ITGA6: variants seen among roughly 807,000 people sequenced by gnomAD.
The protein encoded by ITGA6 is integrin alpha-6.
In ITGA6, 63 loss-of-function variants were observed where a neutral mutation model predicts 133.6. That is an observed-to-expected ratio of 0.47 (90% CI 0.38 to 0.58). The LOEUF (loss-of-function observed/expected upper bound fraction) is 0.58, where lower values mean the gene tolerates loss of function less well. Ranked by LOEUF, ITGA6 falls within the 20% of genes least tolerant of loss-of-function variation. The pLI is 0.00. For synonymous variants in ITGA6, 434 were observed against 482.0 expected (o/e 0.90, Z 1.30); for missense variants, 1,068 against 1,309.4 (o/e 0.82, Z 2.85).
Position 172,474,950 on chromosome 2 carries a change from A to G in ITGA6, c.1008A>G (p.Gly336=). The part of the protein sequence containing the change: ...NKDGWQDIVI[G]APQYFDRDGE... ...TTAGGTGGCAAGATATAGTTATTGG[A>G]GCCCCACAGTATTTTGATAGAGATG... The change falls in exon 7 of 26, where the codon GGA becomes GGG. Residue 336 remains glycine (G), a synonymous_variant. Coordinates refer to ENST00000684293, the MANE Select transcript of ITGA6 (RefSeq NM_000210.4). 2 of 1,574,446 alleles carry G rather than the reference A, an allele frequency of 1.3e-6. No homozygotes were observed. The highest frequency in any genetic ancestry group is 1.3e-5 in the African/African-American group (1 of 74,120).
rs529633700 is a variant in ITGA6, at chr2:172,427,602, G to T, written c.-187G>T. On this transcript the variant is annotated 5_prime_UTR_variant, in exon 1 of 26. Transcript: ENST00000684293. ...CCAGAGAACAACGGGCTCATTCAGC[G>T]GTCGCGAGCTGCCCGCGAGGGGGAG... is the stretch of plus-strand genomic sequence containing the variant. The T allele has an allele frequency of 5.5e-6, 7 of 1,270,146 alleles. No individual in the cohort carries two copies. The East Asian group carries it at 2.0e-4, about 37-fold the overall frequency. 78.7% of individuals were successfully genotyped at this position (1,270,146 alleles called of 1,614,324 possible).
intron 1 of ITGA6, among the ~76,000 whole-genome samples, chr2:172,445,477 G>A (rs1198784100): frequency 4.7e-5 from 7 of 150,038 alleles, no homozygotes; most frequent in Non-Finnish European, 1.5e-5. Flanking sequence ...GTGAAACCCC[G>A]TCTCTACAAA....
At position 172,489,547 on chromosome 2, in the gene ITGA6, A is replaced by G; in HGVS notation, c.2568A>G (p.Pro856=). The change falls in exon 20 of 26, where the codon CCA becomes CCG. Residue 856 remains proline, a synonymous_variant. Transcript: ENST00000684293. ...LGTATLNIQW[P]KEISNGKWLL... ...CAGCAACCTTGAACATTCAGTGGCC[A>G]AAAGAAATTAGCAATGGGAAATGGT... The G allele has an allele frequency of 6.2e-7, 1 of 1,614,094 alleles. No homozygotes were observed. Among genetic ancestry groups the G allele is most frequent in the South Asian group, 1.1e-5 (1 of 91,086 alleles).
chr2:172,458,034 G>A (rs1675684378), intron 1 of ITGA6, among the ~76,000 whole-genome samples: 1 of 151,994 alleles, frequency 6.6e-6, no homozygotes, highest in Non-Finnish European at 1.5e-5. Context: ...AGTGGGTCTG[G>A]AAGTGAAGGA....
At position 172,487,046 on chromosome 2, in the gene ITGA6, T is replaced by C; in HGVS notation, c.1878T>C (p.Cys626=). Residue 626 remains cysteine, a synonymous_variant, in exon 14 of 26, where the codon TGT becomes TGC. Transcript: ENST00000684293. ...HIDVHFLKEG[C]GDDNVCNSNL... ...AGGTTCACTTCTTAAAAGAGGGATG[T>C]GGAGACGACAATGTATGTAACAGCA... The C allele has an allele frequency of 6.2e-7, 1 of 1,609,848 alleles. No homozygotes were observed. Among genetic ancestry groups the C allele is most frequent in the Non-Finnish European group, 8.5e-7 (1 of 1,176,120 alleles).
rs375720798 is a variant in ITGA6 at position 172,487,239 on chromosome 2, GTTC to G, written c.1971-22_1971-20del. The G allele has an allele frequency of 3.7e-4, 595 of 1,601,774 alleles. 4 individuals carry two copies. In the African/African-American group the frequency reaches 6.8e-3, roughly 18 times the overall value. On this transcript the variant is annotated intron_variant, in intron 14 of 25. Coordinates refer to ENST00000684293, the MANE Select transcript of ITGA6 (RefSeq NM_000210.4). ...AACGTATTGAGGACTTTGCCTTTTT[GTTC>G]TTGTTTTCTTATTTTTAATAGTCAA...
At chr2:172,442,788 CT>C (rs1684597157) in intron 1 of ITGA6, among the ~76,000 whole-genome samples, 3 of 152,224 alleles carry the variant, frequency 2.0e-5, no homozygotes, top group Non-Finnish European at 4.4e-5. Flanking sequence ...ATCTTTGACT[CT>C]TTGCCAGCAA....
rs554882519 is a variant in ITGA6, at chr2:172,486,006, G to A, written c.1854+742G>A. 8.9e-4 allele frequency among the ~76,000 whole-genome samples: 136 copies of A among 152,074 alleles called. 1 individual carries two copies. The highest frequency in any genetic ancestry group is 1.4e-3 in the Non-Finnish European group (96 of 67,968). On this transcript the variant is annotated intron_variant, in intron 13 of 25. Coordinates refer to ENST00000684293, the MANE Select transcript of ITGA6 (RefSeq NM_000210.4). ...AGCCTGGCCAACATGGTGAAACCCCGTCTCTAGTGAAAATACAAAAGTTAG... is the reference window on the plus strand; with the variant it reads ...AGCCTGGCCAACATGGTGAAACCCCATCTCTAGTGAAAATACAAAAGTTAG...
chr2:172,487,421 T>C lies in ITGA6; in HGVS notation c.2128T>C (p.Tyr710His), dbSNP rs947201360. ...LIATFPDTLT[Y>H]SAYRELRAFP... ...TGCAACGTTTCCAGACACTTTAACC[T>C]ATTCTGCATATAGAGAACTGAGGGC... The change falls in exon 15 of 26, where the codon TAT becomes CAT. Residue 710 changes from tyrosine to histidine, a missense_variant. Tyr to His is a moderately conservative substitution (Grantham distance 83). This residue lies in a region of ITGA6 where 609 missense variants were observed against 707.2 expected (regional missense o/e 0.86). Transcript: ENST00000684293. 3 of 1,614,156 alleles carry C rather than the reference T, an allele frequency of 1.9e-6. No individual in the cohort carries two copies. Among genetic ancestry groups the C allele is most frequent in the Non-Finnish European group, 2.5e-6 (3 of 1,179,990 alleles).
At position 172,475,619 on chromosome 2, in the gene ITGA6, T is replaced by C; in HGVS notation, c.1203T>C (p.Tyr401=). 3.7e-6 allele frequency: 6 copies of C among 1,604,814 alleles called. No homozygotes were observed. The highest frequency in any genetic ancestry group is 4.3e-6 in the Non-Finnish European group (5 of 1,171,530). Residue 401 remains tyrosine (Y), a synonymous_variant, in exon 8 of 26, where the codon TAT becomes TAC. Coordinates refer to ENST00000684293, the MANE Select transcript of ITGA6 (RefSeq NM_000210.4). Reference sequence around the variant, plus strand: ...CAGATATTGCAGTTGGAGCTCCGTATGATGACTTGGGAAAGGTTTTTATCT... The same window carrying C: ...CAGATATTGCAGTTGGAGCTCCGTACGATGACTTGGGAAAGGTTTTTATCT... ...GYPDIAVGAP[Y]DDLGKVFIYH...
chr2:172,477,816 C>T (rs1465641469), intron 9 of ITGA6, among the ~76,000 whole-genome samples: 1 of 152,114 alleles, frequency 6.6e-6, no homozygotes, highest in African/African-American at 2.4e-5. Flanking sequence ...AAGGCTGGAG[C>T]CTGAGAGGAC....
intron 11 of ITGA6, among the ~76,000 whole-genome samples, chr2:172,484,156 A>C (rs1444883181): frequency 6.6e-6 from 1 of 152,170 alleles, no homozygotes; most frequent in Admixed American, 6.5e-5. Context: ...CTGTCGAAAG[A>C]CTTCTCCATC....
intron 4 of ITGA6, 118 bp downstream of exon 4, chr2:172,469,498 G>GTT (rs1685825641): frequency 1.1e-6 from 1 of 915,114 alleles, no homozygotes; most frequent in African/African-American, 1.7e-5. Context: ...AAGTTGGGTA[G>GTT]GATATTAAAA....
intron 13 of ITGA6, among the ~76,000 whole-genome samples, chr2:172,485,472 C>G (rs576335886): frequency 6.6e-6 from 1 of 152,138 alleles, no homozygotes; most frequent in Non-Finnish European, 1.5e-5. Context: ...GGGGCCAGAG[C>G]GTATTTTCCT....
chr2:172,474,363 T>A, intron 6 of ITGA6, 98 bp downstream of exon 6: 2 of 1,078,350 alleles, frequency 1.9e-6, no homozygotes, highest in Non-Finnish European at 2.8e-6. Flanking sequence ...TTCATTGACG[T>A]AAAGAATATT....
intron 1 of ITGA6, among the ~76,000 whole-genome samples, chr2:172,461,690 C>G (rs1360840048): frequency 2.6e-5 from 4 of 152,188 alleles, no homozygotes; most frequent in Admixed American, 2.6e-4. Context: ...TCTGGGTGGC[C>G]TGGGCCCAGT....
Position 172,487,050 on chromosome 2 carries a change from G to A in ITGA6, c.1882G>A (p.Asp628Asn), listed in dbSNP as rs1559148854. 6.2e-7 allele frequency: 1 copy of A among 1,610,870 alleles called. No individual in the cohort carries two copies. The highest frequency in any genetic ancestry group is 8.5e-7 in the Non-Finnish European group (1 of 1,177,058). Residue 628 changes from aspartate to asparagine, a missense_variant, in exon 14 of 26, where the codon GAC (aspartate) becomes AAC (asparagine). This residue lies in a region of ITGA6 where 609 missense variants were observed against 707.2 expected (regional missense o/e 0.86). Coordinates refer to ENST00000684293, the MANE Select transcript of ITGA6 (RefSeq NM_000210.4). Reference protein sequence around the residue: ...DVHFLKEGCGDDNVCNSNLKL... With the variant: ...DVHFLKEGCGNDNVCNSNLKL... ...TCACTTCTTAAAAGAGGGATGTGGA[G>A]ACGACAATGTATGTAACAGCAACCT... is the stretch of plus-strand genomic sequence containing the variant.
intron 1 of ITGA6, among the ~76,000 whole-genome samples, chr2:172,439,716 CA>C (rs1684464440): frequency 6.7e-6 from 1 of 148,374 alleles, no homozygotes; most frequent in South Asian, 2.1e-4. Flanking sequence ...AAGCATTGAC[CA>C]GCTCAACCTT....
chr2:172,497,981 G>C lies in ITGA6; in HGVS notation c.2995G>C (p.Val999Leu). ...TTTCTTTTCTGCCCTGTAGGTTCGA[G>C]TGACTGTGTTTCCCTCAAAGACTGT... is the stretch of plus-strand genomic sequence containing the variant. ...RLPNAGTQVR[V>L]TVFPSKTVAQ... Residue 999 changes from valine to leucine, a missense_variant, in exon 24 of 26, where the codon GTG becomes CTG. Val to Leu is a conservative substitution (Grantham distance 32). Around this residue, in one of 3 missense-constraint regions of ITGA6, gnomAD observed 609 missense variants for 707.2 expected, o/e 0.86. Transcript: ENST00000684293. The C allele has an allele frequency of 6.2e-7, 1 of 1,613,990 alleles. No individual in the cohort carries two copies. Among genetic ancestry groups the C allele is most frequent in the Non-Finnish European group, 8.5e-7 (1 of 1,179,908 alleles).
Sources: allele counts gnomAD v4.1 joint callset (sites outside exome capture counted in the v4.1 genomes callset), GRCh38; gene constraint gnomAD v4.1.1; regional missense constraint gnomAD v4.1.1; transcripts MANE v1.5; gene names NCBI Gene and HGNC (gene_info 2026-07-23, HGNC 2026-07-21).